The following TAOK1 variants were observed in gnomAD, a reference collection of about 807,000 sequenced individuals.
The protein encoded by TAOK1 is serine/threonine-protein kinase TAO1.
In TAOK1, 21 loss-of-function variants were observed where a neutral mutation model predicts 138.3. That is an observed-to-expected ratio of 0.15 (90% CI 0.11 to 0.22). TAOK1 has a LOEUF of 0.22. TAOK1 is among the 10% of genes least tolerant of loss of function. TAOK1 has a pLI of 1.00. For missense variants in TAOK1, 651 were observed against 1,227.7 expected (o/e 0.53, Z 7.02); for synonymous variants, 361 against 398.4 (o/e 0.91, Z 1.12).
chr17:29,482,368 AT>A, intron 8 of TAOK1, 80 bp downstream of exon 8: 3 of 1,098,942 alleles, frequency 2.7e-6, no homozygotes, highest in Middle Eastern at 4.6e-4. Flanking sequence ...TATAAAAATT[AT>A]AGATTTTTAT....
chr17:29,508,233 C>A, intron 14 of TAOK1, 101 bp downstream of exon 14: 1 of 989,454 alleles, frequency 1.0e-6, no homozygotes, highest in East Asian at 2.4e-5. Flanking sequence ...TCCCGTGAAC[C>A]AAGCAAATTG....
In TAOK1 at chr17:29,547,663, G is replaced by T. The variant is rs2032423368; in HGVS notation, c.*4641G>T. On this transcript the variant is annotated 3_prime_UTR_variant, in exon 20 of 20. Transcript: ENST00000261716. ...TCTCCAAGAGCAATGTCAAAACTTG[G>T]GCTGTCATCTTTGAGCTGTTTACCA... is the stretch of plus-strand genomic sequence containing the variant. The T allele has an allele frequency of 6.6e-6, 1 of 151,960 alleles. No homozygotes were observed. 9.4% of individuals were successfully genotyped at this position (151,960 alleles called of 1,614,324 possible). A position where few individuals can be genotyped will look rare whatever the true frequency, so the allele number is the denominator to read the frequency against.
intron 1 of TAOK1, among the ~76,000 whole-genome samples, chr17:29,433,511 C>T (rs1905919821): frequency 1.3e-5 from 2 of 151,760 alleles, no homozygotes; most frequent in African/African-American, 4.8e-5. Context: ...TTCCTTAGTT[C>T]AGCTAAAGAA....
chr17:29,538,326 TG>T (rs2032259363), intron 19 of TAOK1, among the ~76,000 whole-genome samples: 1 of 152,182 alleles, frequency 6.6e-6, no homozygotes, highest in Non-Finnish European at 1.5e-5. Context: ...TTTTAAAATA[TG>T]GTTTTATTCA....
rs1269139033 is a variant in TAOK1 at position 29,549,437 on chromosome 17, C to T, written c.*6415C>T. ...GTGTGTGCTCTTTGCTTTTGCATGG[C>T]TTGGCTTAGTATCCAAGGTATATTA... On this transcript the variant is annotated 3_prime_UTR_variant, in exon 20 of 20. Transcript: ENST00000261716. The T allele has an allele frequency of 6.6e-6, 1 of 152,128 alleles. No individual in the cohort carries two copies. The highest frequency in any genetic ancestry group is 6.6e-5 in the Admixed American group (1 of 15,266). The allele number at this position is 152,128 out of a possible 1,614,324, so 9.4% of individuals were successfully genotyped here.
intron 7 of TAOK1, among the ~76,000 whole-genome samples, chr17:29,481,196 CT>C (rs35861778): frequency 0.17 from 23,673 of 142,584 alleles, 1,868 homozygotes; most frequent in Admixed American, 0.22. Flanking sequence ...AAAAATTAGA[CT>C]TTTTTTTTTT....
intron 9 of TAOK1, 55 bp downstream of exon 9, chr17:29,489,812 C>T: frequency 7.8e-7 from 1 of 1,278,092 alleles, no homozygotes; most frequent in Non-Finnish European, 1.1e-6. Flanking sequence ...AATGCTTTTT[C>T]ATAATCTGTT....
rs554533463 is a variant in TAOK1, at chr17:29,532,876, G to T, written c.2362-1242G>T. Among the ~76,000 whole-genome samples the T allele has an allele frequency of 4.9e-3, 746 of 152,076 alleles. 11 individuals carry two copies. Among genetic ancestry groups the T allele is most frequent in the African/African-American group, 0.017 (722 of 41,472 alleles). ...AGCTGTTGGGTACACCTCCCAGACG[G>T]GGTGGTGGCCGGGCAGAGGCGCCCC... On this transcript the variant is annotated intron_variant, in intron 18 of 19. Transcript: ENST00000261716.
intron 12 of TAOK1, among the ~76,000 whole-genome samples, chr17:29,501,069 A>AG (rs1281415096): frequency 6.6e-6 from 1 of 151,844 alleles, no homozygotes; most frequent in Non-Finnish European, 1.5e-5. Flanking sequence ...CAACATTGAG[A>AG]GTATAATTAA....
chr17:29,396,740 G>A (rs1316975111), intron 1 of TAOK1, among the ~76,000 whole-genome samples: 1 of 152,144 alleles, frequency 6.6e-6, no homozygotes, highest in Non-Finnish European at 1.5e-5. Context: ...GCTCACGCCT[G>A]TAATCCTAGC....
chr17:29,511,546 A>AT (rs1567739666), intron 15 of TAOK1: 1 of 147,814 alleles, frequency 6.8e-6, no homozygotes, highest in Non-Finnish European at 1.5e-5. Flanking sequence ...TTATGTTTTT[A>AT]TTTTTTGTGT....
intron 5 of TAOK1, among the ~76,000 whole-genome samples, chr17:29,477,943 C>T (rs1184811825): frequency 1.3e-5 from 2 of 152,020 alleles, no homozygotes; most frequent in Non-Finnish European, 2.9e-5. Context: ...TTTCTGAATT[C>T]TCTGTCATTC....
At chr17:29,410,619 G>GTTTTTTTTTTTTTTTTGTTT (rs61646352) in intron 1 of TAOK1, among the ~76,000 whole-genome samples, 1 of 125,990 alleles carries the variant, frequency 7.9e-6, no homozygotes, top group Admixed American at 8.6e-5. Context: ...AGGGTTTTTT[G>GTTTTTTTTTTTTTTTTGTTT]TTTTTTTTTT....
rs2032379343 is a variant in TAOK1 at position 29,545,035 on chromosome 17, T to C, written c.*2013T>C. 6.6e-6 allele frequency: 1 copy of C among 152,226 alleles called. No homozygotes were observed. The highest frequency in any genetic ancestry group is 6.5e-5 in the Admixed American group (1 of 15,280). 9.4% of individuals were successfully genotyped at this position (152,226 alleles called of 1,614,324 possible). On this transcript the variant is annotated 3_prime_UTR_variant, in exon 20 of 20. Coordinates refer to ENST00000261716, the MANE Select transcript of TAOK1 (RefSeq NM_020791.4). ...GGAAACTGGAAGAAAATTAATGTTT[T>C]AATGTAAATGTTTTTAAAACCAAGA...
intron 11 of TAOK1, 46 bp from the exon 12 acceptor site, chr17:29,498,272 G>T (rs929311117): frequency 2.5e-6 from 4 of 1,594,128 alleles, no homozygotes; most frequent in Non-Finnish European, 3.4e-6. Context: ...AGAAGAGAGA[G>T]ATATATATTA....
At chr17:29,451,703 C>A in intron 2 of TAOK1, 23 bp downstream of exon 2, 1 of 1,602,120 alleles carries the variant, frequency 6.2e-7, no homozygotes, top group South Asian at 1.1e-5. Flanking sequence ...GGCTTGATGT[C>A]AGTGACTAAA....
At chr17:29,440,070 C>G (rs1450270920) in intron 1 of TAOK1, among the ~76,000 whole-genome samples, 1 of 151,986 alleles carries the variant, frequency 6.6e-6, no homozygotes, top group African/African-American at 2.4e-5. Context: ...AGTTGTAACA[C>G]AGATTTTGAG....
At chr17:29,524,826 TG>T (rs1047853182) in intron 17 of TAOK1, among the ~76,000 whole-genome samples, 7 of 152,174 alleles carry the variant, frequency 4.6e-5, no homozygotes, top group Admixed American at 2.0e-4. Flanking sequence ...GGTGGGGTGC[TG>T]TTTCTATGGA....
At chr17:29,542,459 A>G (rs1001068135) in intron 19 of TAOK1, 102 bp from the exon 20 acceptor site, 2 of 957,640 alleles carry the variant, frequency 2.1e-6, no homozygotes, top group Admixed American at 2.9e-5. Flanking sequence ...ACAAATATAC[A>G]TCCATAAAAT....
Sources: allele counts gnomAD v4.1 joint callset (sites outside exome capture counted in the v4.1 genomes callset), GRCh38; gene constraint gnomAD v4.1.1; transcripts MANE v1.5; gene names NCBI Gene and HGNC (gene_info 2026-07-23, HGNC 2026-07-21).